The following ANO3 variants were observed in gnomAD, a reference collection of about 807,000 sequenced individuals.
ANO3 encodes anoctamin-3.
A neutral mutation model predicts 144.8 loss-of-function variants in ANO3; 99 were observed. That is an observed-to-expected ratio of 0.68 (90% CI 0.58 to 0.81). ANO3 has a LOEUF of 0.81. ANO3 is among the 30% of genes least tolerant of loss of function. The pLI is 0.00. For missense variants in ANO3, 905 were observed against 1,202.2 expected, an observed-to-expected ratio of 0.75 and a Z score of 3.66; for synonymous variants, 414 against 392.6, an observed-to-expected ratio of 1.05 and a Z score of -0.64.
intron 17 of ANO3, among the ~76,000 whole-genome samples, chr11:26,619,567 A>G (rs1269911230): frequency 6.6e-6 from 1 of 151,982 alleles, no homozygotes; most frequent in East Asian, 1.9e-4. Flanking sequence ...TCTGCCTCCC[A>G]TATTCAAGCT....
At chr11:26,196,084 T>A (rs1157492273) in intron 1 of ANO3, among the ~76,000 whole-genome samples, 1 of 152,180 alleles carries the variant, frequency 6.6e-6, no homozygotes, top group African/African-American at 2.4e-5. Flanking sequence ...GAGATACATA[T>A]TGAATCTGAA....
chr11:26,259,570 C>T (rs1435056614), intron 1 of ANO3, among the ~76,000 whole-genome samples: 5 of 3,290 alleles, frequency 1.5e-3, no homozygotes, highest in Admixed American at 0.013. Flanking sequence ...ATCGCTTGAA[C>T]GTGGGGGTGG....
Position 26,634,117 on chromosome 11 carries a change from C to G in ANO3, c.1874-87C>G, listed in dbSNP as rs1401683235. The G allele has an allele frequency of 6.9e-6, 4 of 579,054 alleles. No individual in the cohort carries two copies. In the African/African-American group the frequency reaches 7.9e-5, roughly 11 times the overall value. The allele number at this position is 579,054 out of a possible 1,614,324, so 35.9% of individuals were successfully genotyped here. A position where few individuals can be genotyped will look rare whatever the true frequency, so the allele number is the denominator to read the frequency against. On this transcript the variant is annotated intron_variant, in intron 18 of 26. Transcript: ENST00000256737. ...AAAAAAATTAAATTAAAAAGACAAA[C>G]TTGAACTTGGGGTTTCTGCCTCCAT...
chr11:26,408,536 A>G (rs1364149208), intron 1 of ANO3, among the ~76,000 whole-genome samples: 1 of 148,212 alleles, frequency 6.7e-6, no homozygotes, highest in Non-Finnish European at 1.5e-5. Context: ...GGGACTGTAA[A>G]CTAGTTCAAC....
chr11:26,376,120 G>C (rs1024983166), intron 1 of ANO3, among the ~76,000 whole-genome samples: 2 of 152,108 alleles, frequency 1.3e-5, no homozygotes, highest in African/African-American at 4.8e-5. Context: ...ATTTCATCTT[G>C]AATGTCAAAG....
intron 4 of ANO3, among the ~76,000 whole-genome samples, chr11:26,497,456 T>A (rs556412295): frequency 5.1e-4 from 77 of 152,200 alleles, no homozygotes; most frequent in Non-Finnish European, 8.4e-4. Flanking sequence ...TAATTTACAT[T>A]TTCACCAACC....
At chr11:26,363,648 G>A (rs72876941) in intron 1 of ANO3, among the ~76,000 whole-genome samples, 4,246 of 152,196 alleles carry the variant, frequency 0.028, 81 homozygotes, top group Non-Finnish European at 0.044. Context: ...AGTTCGGGGA[G>A]GACACAACTC....
intron 6 of ANO3, among the ~76,000 whole-genome samples, chr11:26,520,639 CTT>C (rs1195729482): frequency 1.3e-5 from 2 of 152,014 alleles, no homozygotes; most frequent in Non-Finnish European, 2.9e-5. Flanking sequence ...TGTTTCTGAA[CTT>C]CTGAGTTAAT....
intron 1 of ANO3, among the ~76,000 whole-genome samples, chr11:26,239,276 A>G (rs991306178): frequency 2.6e-5 from 4 of 152,184 alleles, no homozygotes; most frequent in Non-Finnish European, 4.4e-5. Context: ...TGGGACAGCA[A>G]GCTGTTGACC....
At chr11:26,246,186 C>A (rs1310803491) in intron 1 of ANO3, among the ~76,000 whole-genome samples, 1 of 152,026 alleles carries the variant, frequency 6.6e-6, no homozygotes, top group Non-Finnish European at 1.5e-5. Context: ...TGAGCCCTAA[C>A]AGTAACATAT....
intron 1 of ANO3, among the ~76,000 whole-genome samples, chr11:26,259,509 A>G (rs55665111): frequency 0.2 from 26,914 of 136,670 alleles, 2,826 homozygotes; most frequent in African/African-American, 0.32. Flanking sequence ...TTAGCCTGGC[A>G]TGGTGGTGTG....
intron 1 of ANO3, among the ~76,000 whole-genome samples, chr11:26,195,446 C>G (rs1050757138): frequency 6.6e-6 from 1 of 152,180 alleles, no homozygotes; most frequent in African/African-American, 2.4e-5. Flanking sequence ...AGACTTCCTG[C>G]TTTCATAATT....
At chr11:26,590,122 AG>A (rs1399458716) in intron 14 of ANO3, among the ~76,000 whole-genome samples, 1 of 152,208 alleles carries the variant, frequency 6.6e-6, no homozygotes, top group Non-Finnish European at 1.5e-5. Context: ...TACAACGTTT[AG>A]AACCTCTCCC....
Position 26,562,255 on chromosome 11 carries a change from T to C in ANO3, c.1447+2476T>C, listed in dbSNP as rs937159471. On this transcript the variant is annotated intron_variant, in intron 14 of 26. Transcript: ENST00000256737. ...AGTTCCTAGAAACCCATAATCAGAA[T>C]TCAGTTACATTTATAATTTACAGAT... is the stretch of plus-strand genomic sequence containing the variant. Among the ~76,000 whole-genome samples the C allele has an allele frequency of 2.0e-5, 3 of 151,928 alleles. No individual in the cohort carries two copies. In the South Asian group the frequency reaches 6.2e-4, roughly 31 times the overall value.
At chr11:26,353,315 C>T (rs1855694460) in intron 1 of ANO3, among the ~76,000 whole-genome samples, 1 of 152,120 alleles carries the variant, frequency 6.6e-6, no homozygotes, top group Non-Finnish European at 1.5e-5. Context: ...ACGTTTGGTC[C>T]AGTTGGTCTT....
intron 1 of ANO3, among the ~76,000 whole-genome samples, chr11:26,411,686 A>G (rs1411891990): frequency 6.6e-6 from 1 of 151,706 alleles, no homozygotes; most frequent in African/African-American, 2.4e-5. Context: ...TTTCCGTGAG[A>G]TAAGTATGGC....
At chr11:26,591,717 G>A (rs116118806) in intron 14 of ANO3, among the ~76,000 whole-genome samples, 1,657 of 152,240 alleles carry the variant, frequency 0.011, 36 homozygotes, top group African/African-American at 0.038. Flanking sequence ...AGAAAAATGT[G>A]ACAAAGGAGG....
At chr11:26,271,015 A>T (rs1268925577) in intron 1 of ANO3, among the ~76,000 whole-genome samples, 1 of 152,228 alleles carries the variant, frequency 6.6e-6, no homozygotes, top group Non-Finnish European at 1.5e-5. Flanking sequence ...GGAGGAAGGG[A>T]CAAAAGAAAA....
chr11:26,239,499 A>T (rs1313588897), intron 1 of ANO3, among the ~76,000 whole-genome samples: 3 of 152,184 alleles, frequency 2.0e-5, no homozygotes, highest in African/African-American at 7.2e-5. Flanking sequence ...TAGATCAAGC[A>T]GAGCAGCCCC....
Sources: gnomAD v4.1 joint callset for allele counts (sites outside exome capture counted in the v4.1 genomes callset) on GRCh38, gnomAD v4.1.1 for gene constraint, MANE v1.5 for transcripts, NCBI Gene and HGNC (gene_info 2026-07-23, HGNC 2026-07-21) for gene names.